Variants in CHRM3 observed in about 807,000 individuals in gnomAD.
CHRM3 encodes the protein muscarinic acetylcholine receptor M3.
A neutral mutation model predicts 41.8 loss-of-function variants in CHRM3; 11 were observed. That is an observed-to-expected ratio of 0.26 (90% CI 0.17 to 0.44). The LOEUF (loss-of-function observed/expected upper bound fraction) is 0.44. Among genes scored for constraint, CHRM3 ranks in the 20% least tolerant of loss-of-function variants. CHRM3 has a pLI of 1.00. For missense variants in CHRM3, 571 were observed against 745.4 expected (o/e 0.77, Z 2.72); for synonymous variants, 297 against 301.4 (o/e 0.99, Z 0.15).
At chr1:239,673,895 TAATCTAAAACACTCCA>T (rs973781188) in intron 4 of CHRM3, among the ~76,000 whole-genome samples, 1 of 152,178 alleles carries the variant, frequency 6.6e-6, no homozygotes, top group Non-Finnish European at 1.5e-5. Context: ...TCAGCAACCC[TAATCTAAAACACTCCA>T]AATCTAAAAC....
intron 3 of CHRM3, among the ~76,000 whole-genome samples, chr1:239,600,146 C>A (rs745523349): frequency 5.9e-5 from 9 of 152,170 alleles, no homozygotes; most frequent in Non-Finnish European, 1.0e-4. Context: ...GTGTTTATTT[C>A]AACTCTCAAA....
chr1:239,639,239 T>C (rs1446302872), intron 4 of CHRM3, among the ~76,000 whole-genome samples: 1 of 152,148 alleles, frequency 6.6e-6, no homozygotes, highest in Non-Finnish European at 1.5e-5. Context: ...ATTGACTTGG[T>C]GATGTAGGCT....
At chr1:239,527,792 T>A (rs1670094696) in intron 2 of CHRM3, among the ~76,000 whole-genome samples, 1 of 152,230 alleles carries the variant, frequency 6.6e-6, no homozygotes, top group South Asian at 2.1e-4. Context: ...AGAACTTATC[T>A]CAGAGGCTTA....
At chr1:239,488,147 G>A (rs949822578) in intron 1 of CHRM3, among the ~76,000 whole-genome samples, 4 of 152,014 alleles carry the variant, frequency 2.6e-5, no homozygotes. Flanking sequence ...CAAACTCATG[G>A]GTAGGCATTT....
intron 5 of CHRM3, among the ~76,000 whole-genome samples, chr1:239,797,941 C>G (rs1002781765): frequency 3.3e-5 from 5 of 152,024 alleles, no homozygotes; most frequent in South Asian, 2.1e-4. Flanking sequence ...CGCAGCTACT[C>G]GGGAGACTGA....
chr1:239,414,895 C>T (rs557843408), intron 1 of CHRM3, among the ~76,000 whole-genome samples: 147 of 152,246 alleles, frequency 9.7e-4, no homozygotes, highest in Admixed American at 1.5e-3. Context: ...ATTCTAAGTA[C>T]TTCTCTTGTA....
chr1:239,831,830 A>G, intron 6 of CHRM3, among the ~76,000 whole-genome samples: 1 of 152,202 alleles, frequency 6.6e-6, no homozygotes, highest in East Asian at 1.9e-4. Context: ...TATATAGATT[A>G]AAGCCAATAT....
intron 1 of CHRM3, among the ~76,000 whole-genome samples, chr1:239,417,197 G>T (rs1049656700): frequency 1.3e-5 from 2 of 152,176 alleles, no homozygotes; most frequent in African/African-American, 2.4e-5. Context: ...AATATGCGTT[G>T]CTCACACATG....
chr1:239,407,541 A>G (rs547014064), intron 1 of CHRM3, among the ~76,000 whole-genome samples: 82 of 151,754 alleles, frequency 5.4e-4, no homozygotes, highest in Non-Finnish European at 3.2e-4. Context: ...TATTTTTCTT[A>G]TTGCAGAAAG....
chr1:239,628,714 T>C (rs1480696327), intron 3 of CHRM3, among the ~76,000 whole-genome samples: 1 of 52,334 alleles, frequency 1.9e-5, no homozygotes, highest in Non-Finnish European at 3.2e-5. Context: ...TAGTTTTCCT[T>C]CTAACAGACA....
At chr1:239,464,546 G>A (rs961750047) in intron 1 of CHRM3, among the ~76,000 whole-genome samples, 1 of 152,114 alleles carries the variant, frequency 6.6e-6, no homozygotes, top group Non-Finnish European at 1.5e-5. Flanking sequence ...TGCCATATAA[G>A]CATACTTGAA....
chr1:239,488,591 T>A (rs1161629062), intron 1 of CHRM3, among the ~76,000 whole-genome samples: 2 of 151,498 alleles, frequency 1.3e-5, no homozygotes, highest in African/African-American at 4.9e-5. Flanking sequence ...GGCAGGCGCC[T>A]GTAGTCCCAG....
intron 1 of CHRM3, among the ~76,000 whole-genome samples, chr1:239,459,291 A>G (rs921881434): frequency 6.6e-6 from 1 of 152,154 alleles, no homozygotes; most frequent in Non-Finnish European, 1.5e-5. Context: ...TGTAAAAATC[A>G]TTTATATTCG....
intron 1 of CHRM3, among the ~76,000 whole-genome samples, chr1:239,433,667 T>C (rs532286400): frequency 1.6e-4 from 23 of 148,200 alleles, no homozygotes; most frequent in Admixed American, 4.7e-4. Context: ...TGCCTTTGCA[T>C]CCTCATAGCT....
intron 2 of CHRM3, among the ~76,000 whole-genome samples, chr1:239,533,179 C>T (rs1657828991): frequency 6.6e-6 from 1 of 152,090 alleles, no homozygotes; most frequent in African/African-American, 2.4e-5. Flanking sequence ...ACCCCCATTA[C>T]TAAGCTAAAC....
intron 5 of CHRM3, among the ~76,000 whole-genome samples, chr1:239,684,776 G>GAA (rs1336687441): frequency 1.0e-3 from 61 of 60,838 alleles, no homozygotes; most frequent in Middle Eastern, 0.013. Context: ...GAAAGAGAAA[G>GAA]AGAAAGAAAA....
intron 3 of CHRM3, among the ~76,000 whole-genome samples, chr1:239,619,999 A>G (rs558504122): frequency 2.0e-5 from 3 of 152,324 alleles, no homozygotes; most frequent in Non-Finnish European, 2.9e-5. Flanking sequence ...TATTATTTAT[A>G]AAATCAAGGA....
chr1:239,882,130 A>T (rs1239510016), intron 6 of CHRM3, among the ~76,000 whole-genome samples: 4 of 151,700 alleles, frequency 2.6e-5, no homozygotes, highest in African/African-American at 9.7e-5. Flanking sequence ...CTGGTCTCGA[A>T]CTCCTGAACT....
intron 6 of CHRM3, among the ~76,000 whole-genome samples, chr1:239,902,304 T>C (rs1679642684): frequency 6.6e-6 from 1 of 152,156 alleles, no homozygotes; most frequent in African/African-American, 2.4e-5. Flanking sequence ...GATCAGGCGA[T>C]AGTATTCTAG....
Sources: allele counts gnomAD v4.1 joint callset (sites outside exome capture counted in the v4.1 genomes callset), GRCh38; gene constraint gnomAD v4.1.1; transcripts MANE v1.5; gene names NCBI Gene and HGNC (gene_info 2026-07-23, HGNC 2026-07-21).